The following CLSTN2 variants were observed in gnomAD, a reference collection of about 807,000 sequenced individuals.
CLSTN2 encodes the protein calsyntenin 2.
In CLSTN2, 48 loss-of-function variants were observed where a neutral mutation model predicts 101.2. The ratio of observed to expected loss-of-function variants is 0.47; its 90% CI spans 0.38 to 0.60. The LOEUF (loss-of-function observed/expected upper bound fraction) is 0.60. Ranked by LOEUF, CLSTN2 falls within the 20% of genes least tolerant of loss-of-function variation. The pLI is 0.00. For missense variants in CLSTN2, 1,160 were observed against 1,238.2 expected (o/e 0.94, Z 0.95); for synonymous variants, 481 against 463.6 (o/e 1.04, Z -0.48).
At chr3:140,261,473 A>G (rs1048556167) in intron 2 of CLSTN2, among the ~76,000 whole-genome samples, 4 of 152,096 alleles carry the variant, frequency 2.6e-5, no homozygotes, top group Admixed American at 2.0e-4. Flanking sequence ...TGGCACCGCA[A>G]GATACTCCAG....
intron 4 of CLSTN2, among the ~76,000 whole-genome samples, chr3:140,409,851 A>C (rs1576552786): frequency 6.6e-6 from 1 of 152,236 alleles, no homozygotes; most frequent in African/African-American, 2.4e-5. Flanking sequence ...CAAAGAAAAA[A>C]TATAAAAAGA....
intron 1 of CLSTN2, among the ~76,000 whole-genome samples, chr3:140,124,609 G>A (rs2009399868): frequency 6.6e-6 from 1 of 152,158 alleles, no homozygotes; most frequent in Non-Finnish European, 1.5e-5. Flanking sequence ...GGATAGCAGT[G>A]CCAATAACCG....
chr3:140,344,115 A>C (rs1005520574), intron 2 of CLSTN2, among the ~76,000 whole-genome samples: 1 of 152,184 alleles, frequency 6.6e-6, no homozygotes, highest in Non-Finnish European at 1.5e-5. Flanking sequence ...TAGTTTCAGT[A>C]ATGCTACATA....
intron 1 of CLSTN2, among the ~76,000 whole-genome samples, chr3:140,002,971 T>C (rs927130883): frequency 1.3e-5 from 2 of 152,236 alleles, no homozygotes; most frequent in Non-Finnish European, 2.9e-5. Context: ...TATAGCTGTG[T>C]AGTATAATTT....
chr3:140,353,231 G>GTATGTTTACACATATATATATATATATA (rs1559846655), intron 2 of CLSTN2, among the ~76,000 whole-genome samples: 2 of 132,474 alleles, frequency 1.5e-5, no homozygotes, highest in East Asian at 4.0e-4. Context: ...ATATATATAT[G>GTATGTTTACACATATATATATATATATA]TATGTTTACA....
intron 8 of CLSTN2, among the ~76,000 whole-genome samples, chr3:140,512,713 AT>A (rs1934839159): frequency 6.6e-6 from 1 of 152,326 alleles, no homozygotes; most frequent in African/African-American, 2.4e-5. Context: ...CAGTATGCCC[AT>A]TTTTAAGATA....
chr3:140,013,064 T>G (rs2007120683), intron 1 of CLSTN2, among the ~76,000 whole-genome samples: 1 of 152,052 alleles, frequency 6.6e-6, no homozygotes, highest in Admixed American at 6.5e-5. Flanking sequence ...GAGGGCCTGC[T>G]CAATGGATGG....
chr3:140,192,616 C>T (rs1345802860), intron 2 of CLSTN2, among the ~76,000 whole-genome samples: 2 of 151,708 alleles, frequency 1.3e-5, no homozygotes, highest in Non-Finnish European at 3.0e-5. Flanking sequence ...AATGTAGTCA[C>T]ACCGCTTTCC....
Position 140,527,657 on chromosome 3 carries a change from G to A in CLSTN2, c.1345-4667G>A, listed in dbSNP as rs182139317. Among the ~76,000 whole-genome samples, 206 of 152,214 alleles carry A rather than the reference G, an allele frequency of 1.4e-3. 2 individuals are homozygous for A. The highest frequency in any genetic ancestry group is 0.012 in the Admixed American group (182 of 15,286). ...GCACTGTTCACAATAGCAAAGACAT[G>A]GAACCAACCTAGGTGCCCATCAACA... On this transcript the variant is annotated intron_variant, in intron 8 of 16. Coordinates refer to ENST00000458420, the MANE Select transcript of CLSTN2 (RefSeq NM_022131.3).
In CLSTN2 at chr3:140,573,968, G is replaced by A. The variant is rs1252916776; in HGVS notation, c.*7715G>A. On this transcript the variant is annotated 3_prime_UTR_variant, in exon 17 of 17. Transcript: ENST00000458420. The stretch of plus-strand genomic sequence containing the variant: ...CCAGGACCTTGGAAAACGTGGCCAT[G>A]TGAGACTAGTATAGATCTCCAACTA... The A allele has an allele frequency of 6.6e-6, 1 of 152,250 alleles. No individual in the cohort carries two copies. Among genetic ancestry groups the A allele is most frequent in the Non-Finnish European group, 1.5e-5 (1 of 68,080 alleles). The allele number at this position is 152,250 out of a possible 1,614,324, so 9.4% of individuals were successfully genotyped here. A position where few individuals can be genotyped will look rare whatever the true frequency, so the allele number is the denominator to read the frequency against.
intron 8 of CLSTN2, among the ~76,000 whole-genome samples, chr3:140,471,686 A>G (rs1933852312): frequency 6.6e-6 from 1 of 152,198 alleles, no homozygotes; most frequent in Non-Finnish European, 1.5e-5. Flanking sequence ...AAGCATCAAG[A>G]TGAGTGACAA....
chr3:139,940,034 A>G (rs934000701), intron 1 of CLSTN2, among the ~76,000 whole-genome samples: 4 of 152,228 alleles, frequency 2.6e-5, no homozygotes, highest in East Asian at 1.9e-4. Flanking sequence ...CAGGCTGGTT[A>G]CTTCTGAGTG....
At chr3:140,459,262 C>G (rs192148675) in intron 6 of CLSTN2, among the ~76,000 whole-genome samples, 1 of 152,168 alleles carries the variant, frequency 6.6e-6, no homozygotes, top group Non-Finnish European at 1.5e-5. Context: ...TAAATTCCTC[C>G]GACACTTTTT....
chr3:140,054,440 A>G (rs951615743), intron 1 of CLSTN2, among the ~76,000 whole-genome samples: 17 of 152,182 alleles, frequency 1.1e-4, no homozygotes, highest in Admixed American at 2.6e-4. Flanking sequence ...AAAAATGTGA[A>G]CTATTTTGTA....
intron 2 of CLSTN2, among the ~76,000 whole-genome samples, chr3:140,376,086 C>T (rs1287730318): frequency 1.3e-5 from 2 of 152,214 alleles, no homozygotes; most frequent in Non-Finnish European, 2.9e-5. Flanking sequence ...TGCTCTTCTG[C>T]TCCATGTGCT....
chr3:140,388,894 T>A (rs1341924392), intron 2 of CLSTN2, among the ~76,000 whole-genome samples: 10 of 152,184 alleles, frequency 6.6e-5, no homozygotes, highest in Non-Finnish European at 1.2e-4. Context: ...AAGTTACCAA[T>A]TTACTGAGAG....
intron 1 of CLSTN2, among the ~76,000 whole-genome samples, chr3:139,981,347 G>A (rs766673026): frequency 6.6e-6 from 1 of 152,208 alleles, no homozygotes; most frequent in Non-Finnish European, 1.5e-5. Flanking sequence ...CAGCCCTAAA[G>A]TTTAAGCTTC....
intron 2 of CLSTN2, among the ~76,000 whole-genome samples, chr3:140,362,418 A>G (rs1258566360): frequency 6.6e-6 from 1 of 152,224 alleles, no homozygotes; most frequent in Non-Finnish European, 1.5e-5. Context: ...ATTCTTAGAT[A>G]TGACATGAAA....
intron 1 of CLSTN2, among the ~76,000 whole-genome samples, chr3:140,067,204 C>A (rs1372831943): frequency 6.6e-6 from 1 of 152,212 alleles, no homozygotes; most frequent in African/African-American, 2.4e-5. Context: ...TGCTGAAGAT[C>A]ATGAGTGTAG....
Sources: allele counts gnomAD v4.1 joint callset (sites outside exome capture counted in the v4.1 genomes callset), GRCh38; gene constraint gnomAD v4.1.1; transcripts MANE v1.5; gene names NCBI Gene and HGNC (gene_info 2026-07-23, HGNC 2026-07-21).